The following NLRC5 variants were observed in gnomAD, a reference collection of about 807,000 sequenced individuals.
The protein encoded by NLRC5 is protein NLRC5.
A neutral mutation model predicts 206.9 loss-of-function variants in NLRC5; 114 were observed. The observed-to-expected ratio is 0.55, with a 90% CI of 0.47 to 0.64. The LOEUF (loss-of-function observed/expected upper bound fraction) is 0.64. Ranked by LOEUF, NLRC5 falls within the 30% of genes least tolerant of loss-of-function variation. The pLI is 0.00. For missense variants in NLRC5, 2,008 were observed against 2,305.5 expected, an observed-to-expected ratio of 0.87 and a Z score of 2.64; for synonymous variants, 952 against 962.8, an observed-to-expected ratio of 0.99 and a Z score of 0.21.
intron 1 of NLRC5, chr16:57,004,350 A>T (rs1215412054): frequency 1.3e-5 from 2 of 152,076 alleles, no homozygotes; most frequent in Non-Finnish European, 2.9e-5. Context: ...CTGTCTGCCC[A>T]CTCCTGGCCT....
At chr16:56,990,968 G>A (rs909502645) in intron 1 of NLRC5, 5 of 152,152 alleles carry the variant, frequency 3.3e-5, no homozygotes, top group Admixed American at 1.3e-4. Context: ...TGGTGTGGAC[G>A]GCAGACAGAC....
chr16:57,021,571 G>A (rs189421715), intron 3 of NLRC5, among the ~76,000 whole-genome samples: 3 of 152,278 alleles, frequency 2.0e-5, no homozygotes, highest in East Asian at 3.9e-4. Flanking sequence ...GGACATCACT[G>A]TGTTGCCCAG....
At chr16:57,082,385 G>A (rs2069263234) in intron 48 of NLRC5, 32 bp from the exon 49 acceptor site, 2 of 1,513,614 alleles carry the variant, frequency 1.3e-6, no homozygotes, top group Non-Finnish European at 1.8e-6. Flanking sequence ...AAGATGGGAG[G>A]ATGAATGAGT....
intron 22 of NLRC5, 29 bp from the exon 23 acceptor site, chr16:57,047,516 T>C: frequency 6.9e-6 from 11 of 1,595,040 alleles, no homozygotes; most frequent in Non-Finnish European, 9.4e-6. Context: ...TTTCTCTGAT[T>C]CCCTGCCCTG....
intron 14 of NLRC5, among the ~76,000 whole-genome samples, chr16:57,036,798 G>T (rs928575139): frequency 3.3e-5 from 5 of 152,010 alleles, no homozygotes; most frequent in Admixed American, 3.3e-4. Flanking sequence ...GTGAACCTGG[G>T]AAAGTAATTG....
chr16:57,067,293 T>G, intron 34 of NLRC5, 94 bp from the exon 35 acceptor site: 1 of 969,034 alleles, frequency 1.0e-6, no homozygotes, highest in Non-Finnish European at 1.6e-6. Flanking sequence ...CAGCATTTAT[T>G]TACCCCTACA....
intron 27 of NLRC5, among the ~76,000 whole-genome samples, 196 bp downstream of exon 27, chr16:57,055,715 C>G (rs1032776373): frequency 1.3e-5 from 2 of 152,220 alleles, no homozygotes; most frequent in Non-Finnish European, 2.9e-5. Flanking sequence ...CCCCCACTCT[C>G]GCCATGGTGG....
Position 57,059,495 on chromosome 16 carries a change from CA to C in NLRC5, c.3950del (p.His1317ProfsTer14). On this transcript the variant is annotated frameshift_variant, in exon 30 of 49. Coordinates refer to ENST00000688547, the MANE Select transcript of NLRC5 (RefSeq NM_001384950.1). LOFTEE classifies it high-confidence loss of function. ...NLGSEQSFRI[H>X]FSREDQAGKT... ...GGGCTCTGAGCAGAGCTTCCGGATT[CA>C]CTTCTCCAGAGAGGACCAGGCTGGG... 1 of 1,611,922 alleles carries C rather than the reference CA, an allele frequency of 6.2e-7. No individual in the cohort carries two copies. The highest frequency in any genetic ancestry group is 8.5e-7 in the Non-Finnish European group (1 of 1,179,110).
intron 1 of NLRC5, among the ~76,000 whole-genome samples, chr16:57,014,782 CG>C (rs2059856990): frequency 6.6e-6 from 1 of 152,174 alleles, no homozygotes; most frequent in Non-Finnish European, 1.5e-5. Flanking sequence ...TTCTGAAAGC[CG>C]GGAAGTCCCC....
intron 35 of NLRC5, 115 bp downstream of exon 35, chr16:57,067,585 C>A: frequency 7.3e-7 from 1 of 1,371,678 alleles, no homozygotes; most frequent in Non-Finnish European, 1.0e-6. Flanking sequence ...GAAAATCACA[C>A]TTGGCCAGTG....
chr16:57,077,700 G>A lies in NLRC5; in HGVS notation c.4920-19G>A. The A allele has an allele frequency of 6.4e-7, 1 of 1,550,476 alleles. No homozygotes were observed. The highest frequency in any genetic ancestry group is 1.2e-5 in the South Asian group (1 of 81,498). ...GAGAGGGGGCATCAGAGGACCTGAT[G>A]GCTGCCCCCCTCCCACAGCCTCTCA... On this transcript the variant is annotated intron_variant, in intron 41 of 48. Transcript: ENST00000688547.
intron 33 of NLRC5, 116 bp from the exon 34 acceptor site, chr16:57,066,418 G>C: frequency 2.4e-6 from 2 of 825,522 alleles, no homozygotes; most frequent in Non-Finnish European, 4.1e-6. Context: ...CCTGGCAGGG[G>C]AGAAGGGGAC....
chr16:57,018,690 T>G (rs1452563222), intron 2 of NLRC5, among the ~76,000 whole-genome samples: 4 of 152,108 alleles, frequency 2.6e-5, no homozygotes, highest in Non-Finnish European at 5.9e-5. Context: ...CTTTTCAGAG[T>G]TAGAGGTGGA....
At chr16:57,030,194 C>G in intron 10 of NLRC5, 110 bp downstream of exon 10, 1 of 867,118 alleles carries the variant, frequency 1.2e-6, no homozygotes, top group South Asian at 1.5e-5. Flanking sequence ...TCTGTGCATA[C>G]CCTACTGTTT....
At chr16:57,077,199 C>G in intron 40 of NLRC5, 97 bp from the exon 41 acceptor site, 1 of 1,099,088 alleles carries the variant, frequency 9.1e-7, no homozygotes, top group Non-Finnish European at 1.4e-6. Flanking sequence ...TGAGTCGAGG[C>G]CCTTCCTGGG....
At chr16:57,055,235 C>A in intron 26 of NLRC5, 141 bp downstream of exon 26, 3 of 999,990 alleles carry the variant, frequency 3.0e-6, no homozygotes, top group Admixed American at 2.0e-5. Context: ...ACTTGTTTCA[C>A]CCAGCATGAA....
At chr16:57,074,341 C>A in intron 38 of NLRC5, 1 of 338,102 alleles carries the variant, frequency 3.0e-6, no homozygotes, top group Non-Finnish European at 5.7e-6. Flanking sequence ...AATGTGTGAC[C>A]GCCATTATTA....
chr16:56,993,012 T>C (rs1315682008), intron 1 of NLRC5, among the ~76,000 whole-genome samples: 1 of 148,098 alleles, frequency 6.8e-6, no homozygotes, highest in Non-Finnish European at 1.5e-5. Flanking sequence ...CCAATTGCCC[T>C]CCCCGAAGAC....
At chr16:57,023,475 C>T (rs1302916144) in intron 4 of NLRC5, among the ~76,000 whole-genome samples, 1 of 152,150 alleles carries the variant, frequency 6.6e-6, no homozygotes, top group Non-Finnish European at 1.5e-5. Context: ...GGACAGATGG[C>T]CATTTAGTGC....
Sources: allele counts gnomAD v4.1 joint callset (sites outside exome capture counted in the v4.1 genomes callset), GRCh38; gene constraint gnomAD v4.1.1; transcripts MANE v1.5; gene names NCBI Gene and HGNC (gene_info 2026-07-23, HGNC 2026-07-21).